The following F8 variants were observed in gnomAD, a reference collection of about 807,000 sequenced individuals.
The protein encoded by F8 is coagulation factor VIII.
F8 carries 12 observed loss-of-function variants against 140.6 expected under a neutral mutation model. That is an observed-to-expected ratio of 0.09 (90% CI 0.05 to 0.14). F8 has a LOEUF of 0.14. F8 is among the 10% of genes least tolerant of loss of function. The pLI is 1.00. For missense variants in F8, 1,354 were observed against 1,720.7 expected (o/e 0.79, Z 3.77); for synonymous variants, 585 against 614.6 (o/e 0.95, Z 0.71).
chrX:154,895,440 C>T lies in F8; in HGVS notation c.6429+637G>A, dbSNP rs1193403172. Reference sequence around the variant, plus strand: ...CTTTTATCGGAGAACAGATTAGAAACGGGGGAAGACTAGTTAGGAATGTAA... The same window carrying T: ...CTTTTATCGGAGAACAGATTAGAAATGGGGGAAGACTAGTTAGGAATGTAA... On this transcript the variant is annotated intron_variant, in intron 22 of 25. Coordinates refer to ENST00000360256, the MANE Select transcript of F8 (RefSeq NM_000132.4). Among the ~76,000 whole-genome samples, 18 of 111,746 alleles carry T rather than the reference C, an allele frequency of 1.6e-4. 1 individual carries two copies. The highest frequency in any genetic ancestry group is 3.0e-4 in the Non-Finnish European group (16 of 53,116).
intron 13 of F8, among the ~76,000 whole-genome samples, chrX:154,946,821 A>G (rs1297494301): frequency 8.9e-6 from 1 of 111,741 alleles, no homozygotes; most frequent in Non-Finnish European, 1.9e-5. Context: ...TGCAAACTAT[A>G]CAACTGAGAG....
intron 1 of F8, among the ~76,000 whole-genome samples, chrX:155,001,447 C>T (rs1212901738): frequency 1.9e-5 from 2 of 107,863 alleles, no homozygotes; most frequent in Admixed American, 9.9e-5. Context: ...CAGGCGTGTG[C>T]CACCATGCCC....
chrX:154,908,493 A>G (rs1356393739), intron 14 of F8, among the ~76,000 whole-genome samples: 1 of 112,193 alleles, frequency 8.9e-6, no homozygotes, highest in African/African-American at 3.2e-5. Flanking sequence ...ACGTCTTGGG[A>G]TTTTCATTCA....
rs1163823333 is a variant in F8 at position 154,941,418 on chromosome X, A to C, written c.2113+6280T>G. ...CCAACAAAGATCAAAAGAGACAAAG[A>C]AGGCCATTACATAATGGTAAAGGGA... is the stretch of plus-strand genomic sequence containing the variant. On this transcript the variant is annotated intron_variant, in intron 13 of 25. Transcript: ENST00000360256. Among the ~76,000 whole-genome samples the C allele has an allele frequency of 8.1e-5, 9 of 111,528 alleles. No individual in the cohort carries two copies. The Admixed American group carries it at 8.5e-4, about 11-fold the overall frequency.
intron 4 of F8, among the ~76,000 whole-genome samples, chrX:154,989,782 C>A (rs144231135): frequency 0.013 from 1,449 of 111,974 alleles, 11 homozygotes; most frequent in Non-Finnish European, 0.021. Context: ...GTTCCATCCC[C>A]AAGCTATCTC....
chrX:154,842,535 TATC>T (rs1469461405), intron 25 of F8, among the ~76,000 whole-genome samples: 2 of 112,218 alleles, frequency 1.8e-5, no homozygotes, highest in Admixed American at 9.5e-5. Flanking sequence ...CATGCCTTGT[TATC>T]ATTCAGTTTA....
intron 25 of F8, among the ~76,000 whole-genome samples, chrX:154,852,101 G>T (rs1228998173): frequency 9.0e-6 from 1 of 111,448 alleles, no homozygotes; most frequent in Admixed American, 9.5e-5. Flanking sequence ...ACAGGGTCTT[G>T]CTCTGACACC....
At chrX:154,846,221 T>C (rs1241176147) in intron 25 of F8, among the ~76,000 whole-genome samples, 2 of 111,335 alleles carry the variant, frequency 1.8e-5, no homozygotes, top group Non-Finnish European at 3.8e-5. Context: ...AACTATGTGG[T>C]CAGTTTTGGA....
At chrX:154,891,493 G>C (rs1247400824) in intron 22 of F8, among the ~76,000 whole-genome samples, 2 of 112,619 alleles carry the variant, frequency 1.8e-5, no homozygotes, top group African/African-American at 3.2e-5. Flanking sequence ...TATTTGTTAT[G>C]TGTTTACCAG....
chrX:154,977,240 T>A (rs893438939), intron 6 of F8: 7 of 112,004 alleles, frequency 6.2e-5, no homozygotes, highest in Non-Finnish European at 1.1e-4. Context: ...TTTAACAGGT[T>A]ATGGTAATTA....
At chrX:154,982,468 T>A (rs967612239) in intron 6 of F8, among the ~76,000 whole-genome samples, 12 of 102,439 alleles carry the variant, frequency 1.2e-4, no homozygotes, top group African/African-American at 2.5e-4. Flanking sequence ...AAAAAAAATA[T>A]ATATATATAT....
intron 22 of F8, among the ~76,000 whole-genome samples, chrX:154,880,353 T>C (rs1357665100): frequency 9.0e-6 from 1 of 111,200 alleles, no homozygotes; most frequent in East Asian, 2.8e-4. Context: ...GAGATGAAAC[T>C]CTGATGTGAA....
chrX:154,982,372 C>CG (rs1404787899), intron 6 of F8, among the ~76,000 whole-genome samples: 1 of 100,851 alleles, frequency 9.9e-6, no homozygotes, highest in African/African-American at 3.6e-5. Context: ...GCGTGAACCC[C>CG]GGGGGGCAGA....
Position 154,931,667 on chromosome X carries a change from A to G in F8, c.2123T>C (p.Ile708Thr). ...FMSMENPGLW[I>T]LGCHNSDFRN... ...AAAGTCTGAGTTGTGGCACCCCAGAATCCATAGACCTGGAGATGAGGAAGA... is the reference window on the plus strand; with the variant it reads ...AAAGTCTGAGTTGTGGCACCCCAGAGTCCATAGACCTGGAGATGAGGAAGA... Residue 708 changes from isoleucine (I) to threonine (T), a missense_variant, in exon 14 of 26, where the codon ATT becomes ACT. By Grantham distance (89) the Ile-to-Thr change is moderately conservative (BLOSUM62 -1). Around this residue, in one of 4 missense-constraint regions of F8, gnomAD observed 252 missense variants for 338.5 expected, o/e 0.74. Coordinates refer to ENST00000360256, the MANE Select transcript of F8 (RefSeq NM_000132.4). The G allele has an allele frequency of 8.3e-7, 1 of 1,208,341 alleles. No individual in the cohort carries two copies. Among genetic ancestry groups the G allele is most frequent in the Non-Finnish European group, 1.1e-6 (1 of 892,435 alleles).
At chrX:154,906,325 C>A in intron 15 of F8, 95 bp downstream of exon 15, 1 of 812,861 alleles carries the variant, frequency 1.2e-6, no homozygotes, top group South Asian at 2.9e-5. Context: ...TTTTTCTATA[C>A]TTTAAAAATT....
intron 14 of F8, among the ~76,000 whole-genome samples, chrX:154,921,492 C>A (rs1341839379): frequency 1.8e-5 from 2 of 111,938 alleles, no homozygotes; most frequent in Non-Finnish European, 3.8e-5. Flanking sequence ...GGATCTAGAA[C>A]TAGAAATGCC....
Position 154,928,862 on chromosome X carries a change from A to C in F8, c.4928T>G (p.Val1643Gly). The C allele has an allele frequency of 8.3e-7, 1 of 1,211,554 alleles. No individual in the cohort carries two copies. The highest frequency in any genetic ancestry group is 1.1e-6 in the Non-Finnish European group (1 of 895,438). ...AGTCCTACCTTGCTTTGCCCAGGTGACTTCTATTTCGGGCTTATTTTGTCC... is the reference window on the plus strand; with the variant it reads ...AGTCCTACCTTGCTTTGCCCAGGTGCCTTCTATTTCGGGCTTATTTTGTCC... ...NEGQNKPEIE[V>G]TWAKQGRTER... The change falls in exon 14 of 26, where the codon GTC becomes GGC. Residue 1643 changes from valine to glycine, a missense_variant. By Grantham distance (109) the Val-to-Gly change is moderately radical. Coordinates refer to ENST00000360256, the MANE Select transcript of F8 (RefSeq NM_000132.4).
chrX:154,846,885 T>C (rs1380991826), intron 25 of F8, among the ~76,000 whole-genome samples: 2 of 112,202 alleles, frequency 1.8e-5, no homozygotes, highest in Non-Finnish European at 3.8e-5. Flanking sequence ...GCATCGATGG[T>C]CTTTACAATT....
At chrX:155,020,338 C>T (rs1314734046) in intron 1 of F8, among the ~76,000 whole-genome samples, 2 of 111,907 alleles carry the variant, frequency 1.8e-5, no homozygotes, top group East Asian at 2.8e-4. Flanking sequence ...TAGACAAATC[C>T]CTCTCTCATG....
Sources: allele counts gnomAD v4.1 joint callset (sites outside exome capture counted in the v4.1 genomes callset), GRCh38; gene constraint gnomAD v4.1.1; regional missense constraint gnomAD v4.1.1; transcripts MANE v1.5; gene names NCBI Gene and HGNC (gene_info 2026-07-23, HGNC 2026-07-21).